The following RBM46 variants were observed in gnomAD, a reference collection of about 807,000 sequenced individuals.
RBM46 encodes probable RNA-binding protein 46.
In RBM46, 12 loss-of-function variants were observed where a neutral mutation model predicts 43.3. The ratio of observed to expected loss-of-function variants is 0.28; its 90% CI spans 0.18 to 0.45. The LOEUF is 0.45. RBM46 is among the 20% of genes least tolerant of loss of function. The pLI, the probability that RBM46 is intolerant of heterozygous loss-of-function variation, is 1.00. For missense variants in RBM46, 412 were observed against 639.1 expected (o/e 0.64, Z 3.83); for synonymous variants, 205 against 207.6 (o/e 0.99, Z 0.11).
intron 4 of RBM46, among the ~76,000 whole-genome samples, chr4:154,825,031 A>G (rs1348591261): frequency 6.6e-6 from 1 of 152,126 alleles, no homozygotes; most frequent in Non-Finnish European, 1.5e-5. Flanking sequence ...TATAAATTGT[A>G]TATCAGTGTT....
chr4:154,798,614 A>G (rs1465053614), intron 3 of RBM46, among the ~76,000 whole-genome samples, 168 bp from the exon 4 acceptor site: 3 of 152,236 alleles, frequency 2.0e-5, no homozygotes, highest in African/African-American at 7.2e-5. Context: ...AGTAAGTTTT[A>G]GTTATTTACT....
chr4:154,796,027 G>T (rs1734334791), intron 1 of RBM46, among the ~76,000 whole-genome samples: 1 of 152,098 alleles, frequency 6.6e-6, no homozygotes, highest in Non-Finnish European at 1.5e-5. Flanking sequence ...AATTAGCCAG[G>T]CATGGTGGTG....
intron 1 of RBM46, among the ~76,000 whole-genome samples, chr4:154,784,434 G>T (rs533520984): frequency 6.6e-6 from 1 of 152,286 alleles, no homozygotes; most frequent in African/African-American, 2.4e-5. Context: ...AATTAAAGGA[G>T]ATATAGTTAG....
intron 4 of RBM46, chr4:154,827,068 T>C: frequency 8.6e-7 from 1 of 1,160,844 alleles, no homozygotes; most frequent in East Asian, 4.1e-5. Context: ...GATTTAAAAA[T>C]TTGGTCTGTA....
At chr4:154,790,606 A>T (rs991345089) in intron 1 of RBM46, 13 of 152,248 alleles carry the variant, frequency 8.5e-5, no homozygotes, top group African/African-American at 3.1e-4. Flanking sequence ...ATTGATGGGT[A>T]GATATTCTAT....
intron 4 of RBM46, among the ~76,000 whole-genome samples, chr4:154,817,664 T>C (rs1405223751): frequency 6.6e-6 from 1 of 152,168 alleles, no homozygotes; most frequent in Non-Finnish European, 1.5e-5. Flanking sequence ...TGTTTTATTT[T>C]TATTATCATT....
chr4:154,798,724 A>G, intron 3 of RBM46, 58 bp from the exon 4 acceptor site: 1 of 1,264,518 alleles, frequency 7.9e-7, no homozygotes, highest in East Asian at 2.8e-5. Flanking sequence ...TTTACTGAAC[A>G]TCTTTACCTT....
At chr4:154,793,161 T>C (rs1365335568) in intron 1 of RBM46, among the ~76,000 whole-genome samples, 3 of 152,238 alleles carry the variant, frequency 2.0e-5, no homozygotes, top group African/African-American at 7.2e-5. Context: ...CACGTATTTC[T>C]TGAATATTTT....
intron 4 of RBM46, among the ~76,000 whole-genome samples, chr4:154,824,663 T>C (rs1396688466): frequency 2.6e-5 from 4 of 152,082 alleles, no homozygotes; most frequent in Non-Finnish European, 5.9e-5. Flanking sequence ...GTGGATTCTC[T>C]TTGTGAATGG....
chr4:154,791,342 T>A (rs1474106632), intron 1 of RBM46, among the ~76,000 whole-genome samples: 2 of 152,142 alleles, frequency 1.3e-5, no homozygotes. Context: ...GATGCCAGTT[T>A]AGGAAGTGTC....
In RBM46 at chr4:154,823,561, TA is replaced by T. The variant is rs1217534828; in HGVS notation, c.1403-4305del. 2.0e-5 allele frequency among the ~76,000 whole-genome samples: 3 copies of T among 152,062 alleles called. No individual in the cohort carries two copies. The East Asian group carries it at 5.8e-4, about 29-fold the overall frequency. ...TTTTATCTCACTTTAAAGTCTCTAT[TA>T]AGGGTTTTCCTCATCTTTAAGACAG... On this transcript the variant is annotated intron_variant, in intron 4 of 4. Transcript: ENST00000281722.
At chr4:154,808,350 T>C (rs963935526) in intron 4 of RBM46, among the ~76,000 whole-genome samples, 1 of 152,050 alleles carries the variant, frequency 6.6e-6, no homozygotes, top group Non-Finnish European at 1.5e-5. Context: ...TTATATAGTC[T>C]AAGGATGTTT....
At chr4:154,791,439 T>A (rs892438374) in intron 1 of RBM46, among the ~76,000 whole-genome samples, 1 of 152,150 alleles carries the variant, frequency 6.6e-6, no homozygotes, top group Non-Finnish European at 1.5e-5. Context: ...GTGGATCACT[T>A]GAGCCCAAGA....
chr4:154,786,039 T>C (rs1012439504), intron 1 of RBM46, among the ~76,000 whole-genome samples: 2 of 152,206 alleles, frequency 1.3e-5, no homozygotes, highest in African/African-American at 2.4e-5. Flanking sequence ...TAGAAAAATA[T>C]TGAATTTTTT....
chr4:154,784,293 G>A (rs1314765328), intron 1 of RBM46, among the ~76,000 whole-genome samples: 1 of 152,192 alleles, frequency 6.6e-6, no homozygotes, highest in Admixed American at 6.5e-5. Flanking sequence ...AGCTGACACA[G>A]TTCCTTTAAA....
At chr4:154,826,179 G>T (rs1425326283) in intron 4 of RBM46, among the ~76,000 whole-genome samples, 1 of 150,658 alleles carries the variant, frequency 6.6e-6, no homozygotes, top group Non-Finnish European at 1.5e-5. Flanking sequence ...AAAAAAGCAT[G>T]AGGCACGTTG....
At chr4:154,824,529 A>T (rs1578956624) in intron 4 of RBM46, among the ~76,000 whole-genome samples, 1 of 152,118 alleles carries the variant, frequency 6.6e-6, no homozygotes, top group African/African-American at 2.4e-5. Flanking sequence ...TGAAGAAACT[A>T]CTGAAAGATA....
intron 4 of RBM46, among the ~76,000 whole-genome samples, chr4:154,822,985 G>T (rs919613547): frequency 5.3e-5 from 8 of 151,718 alleles, no homozygotes; most frequent in African/African-American, 1.9e-4. Flanking sequence ...TTATTCCTTA[G>T]CAGTATTATA....
intron 1 of RBM46, among the ~76,000 whole-genome samples, chr4:154,796,500 T>G (rs1432734765): frequency 6.6e-6 from 1 of 152,232 alleles, no homozygotes; most frequent in African/African-American, 2.4e-5. Context: ...TTTCATTGTT[T>G]GTGTCCCTTT....
Sources: gnomAD v4.1 joint callset for allele counts (sites outside exome capture counted in the v4.1 genomes callset) on GRCh38, gnomAD v4.1.1 for gene constraint, MANE v1.5 for transcripts, NCBI Gene and HGNC (gene_info 2026-07-23, HGNC 2026-07-21) for gene names.